Variants in SRRM1 observed in about 807,000 individuals in gnomAD.
SRRM1 encodes serine/arginine repetitive matrix protein 1.
A neutral mutation model predicts 110.2 loss-of-function variants in SRRM1; 19 were observed. The observed-to-expected ratio is 0.17, with a 90% CI of 0.12 to 0.25. SRRM1 has a LOEUF of 0.25. Among genes scored for constraint, SRRM1 ranks in the 10% least tolerant of loss-of-function variants. SRRM1 has a pLI of 1.00. For missense variants in SRRM1, 918 were observed against 1,145.8 expected (o/e 0.80, Z 2.87); for synonymous variants, 443 against 414.9 (o/e 1.07, Z -0.82).
rs759132122 is a variant in SRRM1 at position 24,670,196 on chromosome 1, G to C, written c.2281G>C (p.Ala761Pro). The C allele has an allele frequency of 1.2e-6, 2 of 1,614,006 alleles. No homozygotes were observed. The highest frequency in any genetic ancestry group is 1.1e-5 in the South Asian group (1 of 91,064). The change falls in exon 15 of 17, where the codon GCT becomes CCT. Residue 761 changes from alanine to proline, a missense_variant. By Grantham distance (27) the Ala-to-Pro change is conservative (BLOSUM62 -1). This residue lies in a region of SRRM1 where 357 missense variants were observed against 402.9 expected (regional missense o/e 0.89). Transcript: ENST00000323848. The stretch of plus-strand genomic sequence containing the variant: ...TGTCTCCGGGTCTCCTGAGCCAGCA[G>C]CTAAAAAGCCCCCAGCACCTCCATC... ...RSVSGSPEPA[A>P]KKPPAPPSPV...
intron 13 of SRRM1, among the ~76,000 whole-genome samples, chr1:24,668,898 T>A (rs1274802104): frequency 6.6e-6 from 1 of 152,232 alleles, no homozygotes; most frequent in Non-Finnish European, 1.5e-5. Context: ...ATGTCTTTTT[T>A]TCTTTTTTGT....
At chr1:24,645,358 C>T (rs1656833602) in intron 1 of SRRM1, among the ~76,000 whole-genome samples, 1 of 152,118 alleles carries the variant, frequency 6.6e-6, no homozygotes, top group Non-Finnish European at 1.5e-5. Context: ...TTTAATTGGG[C>T]CAGTAGGAAT....
intron 12 of SRRM1, chr1:24,663,180 C>A: frequency 6.6e-7 from 1 of 1,513,550 alleles, no homozygotes; most frequent in Non-Finnish European, 8.9e-7. Flanking sequence ...CCACTGCTCT[C>A]AGGATGCAGA....
intron 1 of SRRM1, among the ~76,000 whole-genome samples, chr1:24,644,060 C>A (rs1284687321): frequency 6.6e-6 from 1 of 152,144 alleles, no homozygotes; most frequent in Non-Finnish European, 1.5e-5. Flanking sequence ...TGATTCAATT[C>A]CTTCCCGCCC....
intron 8 of SRRM1, chr1:24,654,467 A>G (rs1570814222): frequency 1.2e-6 from 1 of 830,008 alleles, no homozygotes; most frequent in East Asian, 6.3e-5. Context: ...AATGCAACCT[A>G]AAGGTTTCTC....
intron 8 of SRRM1, among the ~76,000 whole-genome samples, chr1:24,653,536 C>T (rs957273967): frequency 6.6e-6 from 1 of 151,988 alleles, no homozygotes; most frequent in Non-Finnish European, 1.5e-5. Context: ...GGAAGTTTTC[C>T]ATAATCCGTG....
chr1:24,646,564 CAAAA>C (rs1190740385), intron 2 of SRRM1, 99 bp from the exon 3 acceptor site: 5 of 916,386 alleles, frequency 5.5e-6, no homozygotes, highest in Non-Finnish European at 7.9e-6. Flanking sequence ...CTATGCCAAA[CAAAA>C]AAACTAAGCT....
chr1:24,659,159 A>T (rs1411267007), intron 9 of SRRM1, among the ~76,000 whole-genome samples: 2 of 151,578 alleles, frequency 1.3e-5, no homozygotes, highest in Admixed American at 6.6e-5. Flanking sequence ...ATGCCATTGC[A>T]CTCCAGCCTA....
At chr1:24,651,897 T>C (rs1454654057) in intron 6 of SRRM1, among the ~76,000 whole-genome samples, 3 of 151,018 alleles carry the variant, frequency 2.0e-5, no homozygotes, top group Non-Finnish European at 2.9e-5. Context: ...TTAAGAAATG[T>C]ATGTGGTTGC....
chr1:24,653,391 C>T (rs1662172960), intron 8 of SRRM1, among the ~76,000 whole-genome samples: 1 of 151,996 alleles, frequency 6.6e-6, no homozygotes, highest in African/African-American at 2.4e-5. Flanking sequence ...GCTCCTTTTA[C>T]CAGTATTAAA....
rs376699604 is a variant in SRRM1 at position 24,670,097 on chromosome 1, A to C, written c.2205-23A>C. 2.6e-6 allele frequency: 4 copies of C among 1,533,948 alleles called. No individual in the cohort carries two copies. In the South Asian group the frequency reaches 5.1e-5, roughly 19 times the overall value. On this transcript the variant is annotated intron_variant, in intron 14 of 16. Transcript: ENST00000323848. Reference sequence around the variant, plus strand: ...AGAGAGATGGCTGTTCTCAATGCTGAATGTTTTTTCCTTTTTGTCTAGGGC... The same window carrying C: ...AGAGAGATGGCTGTTCTCAATGCTGCATGTTTTTTCCTTTTTGTCTAGGGC...
intron 9 of SRRM1, among the ~76,000 whole-genome samples, chr1:24,656,450 G>A (rs1484821335): frequency 2.0e-5 from 3 of 152,234 alleles, no homozygotes; most frequent in Admixed American, 2.0e-4. Context: ...AGAGAAGCCT[G>A]TAACTGTTCC....
At position 24,672,748 on chromosome 1, in the gene SRRM1, C is replaced by T. The variant is rs1428586529; in HGVS notation, c.*462C>T. The T allele has an allele frequency of 2.0e-5, 3 of 152,682 alleles. No individual in the cohort carries two copies. Among genetic ancestry groups the T allele is most frequent in the African/African-American group, 4.8e-5 (2 of 41,404 alleles). 9.5% of individuals were successfully genotyped at this position (152,682 alleles called of 1,614,324 possible). A position where few individuals can be genotyped will look rare whatever the true frequency, so the allele number is the denominator to read the frequency against. On this transcript the variant is annotated 3_prime_UTR_variant, in exon 17 of 17. Coordinates refer to ENST00000323848, the MANE Select transcript of SRRM1 (RefSeq NM_005839.4). ...TCTGTAAGCTTGCCCAGAAATAAGA[C>T]CACTGTTTTGAACTACCACAAAAGT...
intron 4 of SRRM1, among the ~76,000 whole-genome samples, chr1:24,649,329 G>T (rs188765011): frequency 6.6e-6 from 1 of 152,240 alleles, no homozygotes; most frequent in Admixed American, 6.5e-5. Context: ...TTGGTTTGTT[G>T]TTTTTTTGAG....
chr1:24,651,469 G>C lies in SRRM1; in HGVS notation c.582G>C (p.Lys194Asn). ...RRSSPVRRER[K>N]RSHSRSPRHR... ...CTTCCCCTGTCAGGAGAGAGAGAAA[G>C]CGCAGTCATTCTCGATCTCCCCGTC... The change falls in exon 6 of 17, where the codon AAG (lysine) becomes AAC (asparagine). Residue 194 changes from lysine (K) to asparagine (N), a missense_variant. Coordinates refer to ENST00000323848, the MANE Select transcript of SRRM1 (RefSeq NM_005839.4). 1.2e-6 allele frequency: 2 copies of C among 1,614,156 alleles called. No individual in the cohort carries two copies. Among genetic ancestry groups the C allele is most frequent in the Non-Finnish European group, 1.7e-6 (2 of 1,180,018 alleles).
chr1:24,663,308 A>G, intron 12 of SRRM1: 1 of 1,028,722 alleles, frequency 9.7e-7, no homozygotes, highest in Non-Finnish European at 1.4e-6. Flanking sequence ...ACCTCATCTC[A>G]TTCTTAAATA....
Position 24,652,509 on chromosome 1 carries a change from A to G in SRRM1, c.801A>G (p.Lys267=). Residue 267 remains lysine, a synonymous_variant, in exon 7 of 17, where the codon AAA becomes AAG. Coordinates refer to ENST00000323848, the MANE Select transcript of SRRM1 (RefSeq NM_005839.4). ...CTTCTCCGGAAAAAAATTCCAAAAA[A>G]GAAAAGGAGAAGGAGAAGACCCGAC... ...KEPSPEKNSK[K]EKEKEKTRPR... 2 of 1,613,254 alleles carry G rather than the reference A, an allele frequency of 1.2e-6. No homozygotes were observed. Among genetic ancestry groups the G allele is most frequent in the South Asian group, 2.2e-5 (2 of 90,930 alleles).
chr1:24,666,669 G>T (rs28570361), intron 12 of SRRM1, 146 bp from the exon 13 acceptor site: 5 of 593,742 alleles, frequency 8.4e-6, no homozygotes, highest in African/African-American at 3.9e-5. Flanking sequence ...GGAGGCTGAG[G>T]GGGGAGAATT....
In SRRM1 at chr1:24,652,944, A is replaced by G. The variant is rs1427670570; in HGVS notation, c.952A>G (p.Arg318Gly). 2 of 1,614,080 alleles carry G rather than the reference A, an allele frequency of 1.2e-6. No homozygotes were observed. The highest frequency in any genetic ancestry group is 2.2e-5 in the South Asian group (2 of 91,060). ...TTCACCTAGAAGGCGGCCAAGCCCA[A>G]GAAGGCGGCCATCTCCTCGAAGAAG... is the stretch of plus-strand genomic sequence containing the variant. ...SYSPRRRPSP[R>G]RRPSPRRRTP... Residue 318 changes from arginine (R) to glycine (G), a missense_variant, in exon 8 of 17, where the codon AGA (arginine) becomes GGA (glycine). Physicochemically the swap from Arg to Gly is moderately radical, Grantham distance 125 (BLOSUM62 -2). Coordinates refer to ENST00000323848, the MANE Select transcript of SRRM1 (RefSeq NM_005839.4).
Sources: gnomAD v4.1 joint callset for allele counts (sites outside exome capture counted in the v4.1 genomes callset) on GRCh38, gnomAD v4.1.1 for gene constraint, gnomAD v4.1.1 regional missense constraint, MANE v1.5 for transcripts, NCBI Gene and HGNC (gene_info 2026-07-23, HGNC 2026-07-21) for gene names.